SGCD: variants seen among roughly 807,000 people sequenced by gnomAD.
The protein encoded by SGCD is sarcoglycan delta.
SGCD carries 18 observed loss-of-function variants against 36.6 expected under a neutral mutation model. The observed-to-expected ratio is 0.49, with a 90% confidence interval of 0.34 to 0.73. SGCD has a LOEUF of 0.73. Ranked by LOEUF, SGCD falls within the 30% of genes least tolerant of loss-of-function variation. SGCD has a pLI of 0.01. For missense variants in SGCD, 387 were observed against 346.7 expected (o/e 1.12, Z -0.92); for synonymous variants, 133 against 130.6 (o/e 1.02, Z -0.12).
In SGCD at chr5:156,315,265, A is replaced by ATT. The variant is rs71577194; in HGVS notation, c.-43-14258_-43-14257dup. Among the ~76,000 whole-genome samples the ATT allele has an allele frequency of 8.8e-4, 131 of 148,334 alleles. 2 individuals carry two copies. The East Asian group carries it at 0.01, about 12-fold the overall frequency. On this transcript the variant is annotated intron_variant, in intron 3 of 9. Transcript: ENST00000517913. ...TCTACTCTCTGTTACTTTGAGTCTG[A>ATT]TTTTTTTTTTTTAGATTCCACATAT... is the stretch of plus-strand genomic sequence containing the variant.
At chr5:155,799,812 C>CTTTTTTTTTTTTTTTTTTTTTT in the SGCD span, among the ~76,000 whole-genome samples, 3 of 58,762 alleles carry the variant, frequency 5.1e-5, 1 homozygote, top group African/African-American at 6.9e-5. Context: ...TCCTATTCCC[C>CTTTTTTTTTTTTTTTTTTTTTT]TTTTTTTTTT....
intron 1 of SGCD, among the ~76,000 whole-genome samples, chr5:156,117,022 C>CAT (rs1424998299): frequency 6.6e-6 from 1 of 151,900 alleles, no homozygotes; most frequent in Non-Finnish European, 1.5e-5. Flanking sequence ...TGCTTGCCAC[C>CAT]ATAGAGTTAA....
intron 3 of SGCD, among the ~76,000 whole-genome samples, chr5:156,442,504 G>A (rs1299349018): frequency 1.3e-5 from 2 of 152,208 alleles, no homozygotes; most frequent in African/African-American, 4.8e-5. Flanking sequence ...ATATACTGCA[G>A]CATGAAATTC....
At chr5:156,039,733 T>C (rs1449872865) in intron 1 of SGCD, among the ~76,000 whole-genome samples, 1 of 152,180 alleles carries the variant, frequency 6.6e-6, no homozygotes, top group Non-Finnish European at 1.5e-5. Flanking sequence ...AAGCTCCTTT[T>C]ACTACGGAGA....
chr5:155,750,317 C>A, the SGCD span, among the ~76,000 whole-genome samples: 1 of 152,140 alleles, frequency 6.6e-6, no homozygotes, highest in Non-Finnish European at 1.5e-5. Flanking sequence ...GATTGTTCTA[C>A]GAATGTACAG....
At chr5:156,494,756 A>G (rs997482979) in intron 3 of SGCD, among the ~76,000 whole-genome samples, 2 of 152,016 alleles carry the variant, frequency 1.3e-5, no homozygotes, top group African/African-American at 2.4e-5. Context: ...TTCATCTCCT[A>G]TTCCTCCCTA....
chr5:155,996,870 T>TGG (rs1758559733), intron 1 of SGCD, among the ~76,000 whole-genome samples: 1 of 86,506 alleles, frequency 1.2e-5, no homozygotes, highest in Non-Finnish European at 2.9e-5. Flanking sequence ...GATGGATAGA[T>TGG]AGATAGATAG....
chr5:155,785,894 A>G, the SGCD span, among the ~76,000 whole-genome samples: 2 of 152,296 alleles, frequency 1.3e-5, no homozygotes, highest in East Asian at 3.9e-4. Flanking sequence ...TATTATTACT[A>G]TGACTGTAGC....
intron 4 of SGCD, 90 bp downstream of exon 4, chr5:156,508,792 AT>A (rs1335455709): frequency 2.7e-6 from 2 of 736,870 alleles, no homozygotes; most frequent in Non-Finnish European, 4.5e-6. Flanking sequence ...AGTACAGAGA[AT>A]TGGGGTGGGG....
chr5:156,536,582 C>T (rs1272793907), intron 4 of SGCD, among the ~76,000 whole-genome samples: 1 of 146,940 alleles, frequency 6.8e-6, no homozygotes. Context: ...ATCCTTTAAG[C>T]TTTGAGGTGT....
At chr5:156,233,911 T>A (rs922032390) in intron 3 of SGCD, among the ~76,000 whole-genome samples, 11 of 150,436 alleles carry the variant, frequency 7.3e-5, no homozygotes, top group African/African-American at 2.8e-4. Context: ...TTTTGTTTTG[T>A]TTTTTTAAAA....
chr5:155,853,407 G>A, the SGCD span, among the ~76,000 whole-genome samples: 2,697 of 152,012 alleles, frequency 0.018, 87 homozygotes, highest in African/African-American at 0.06. Context: ...AAAAAAAATG[G>A]CCTTACTGAA....
At chr5:156,423,701 C>A (rs1366909984) in intron 3 of SGCD, among the ~76,000 whole-genome samples, 1 of 151,720 alleles carries the variant, frequency 6.6e-6, no homozygotes, top group African/African-American at 2.4e-5. Flanking sequence ...CAGGCCCAGG[C>A]TAAACTTCAG....
intron 3 of SGCD, among the ~76,000 whole-genome samples, chr5:156,291,698 G>A (rs1331196219): frequency 6.6e-6 from 1 of 151,826 alleles, no homozygotes; most frequent in Admixed American, 6.6e-5. Flanking sequence ...TTTGTTAAAT[G>A]CCTTTACTCT....
intron 3 of SGCD, among the ~76,000 whole-genome samples, chr5:156,429,126 C>T (rs768972460): frequency 6.6e-6 from 1 of 151,880 alleles, no homozygotes; most frequent in Non-Finnish European, 1.5e-5. Context: ...TATTATGTTG[C>T]TGTCTATCTC....
At chr5:155,955,362 A>G (rs1472486899) in intron 1 of SGCD, among the ~76,000 whole-genome samples, 1 of 152,138 alleles carries the variant, frequency 6.6e-6, no homozygotes, top group Non-Finnish European at 1.5e-5. Flanking sequence ...AATAAATATT[A>G]TTATGAATTT....
chr5:155,958,020 G>A (rs543536488), intron 1 of SGCD, among the ~76,000 whole-genome samples: 1 of 152,110 alleles, frequency 6.6e-6, no homozygotes, highest in Admixed American at 6.5e-5. Context: ...CAGCTGGGAG[G>A]TGCCAAGGGC....
At chr5:155,989,898 G>A (rs1581030054) in intron 1 of SGCD, among the ~76,000 whole-genome samples, 2 of 152,144 alleles carry the variant, frequency 1.3e-5, no homozygotes, top group African/African-American at 4.8e-5. Context: ...GAACTAGTTC[G>A]ACTTATAGAA....
intron 3 of SGCD, among the ~76,000 whole-genome samples, chr5:156,460,356 A>G (rs1754432852): frequency 6.6e-6 from 1 of 152,214 alleles, no homozygotes; most frequent in African/African-American, 2.4e-5. Context: ...ACATGAAATC[A>G]AGATCTGGAA....
Sources: allele counts gnomAD v4.1 joint callset (sites outside exome capture counted in the v4.1 genomes callset), GRCh38; gene constraint gnomAD v4.1.1; transcripts MANE v1.5; gene names NCBI Gene and HGNC (gene_info 2026-07-23, HGNC 2026-07-21).